The following PKN3 variants were observed in gnomAD, a reference collection of about 807,000 sequenced individuals.
The protein encoded by PKN3 is protein kinase N3, also known as serine/threonine-protein kinase N3.
A neutral mutation model predicts 113.1 loss-of-function variants in PKN3; 91 were observed. That is an observed-to-expected ratio of 0.80 (90% CI 0.68 to 0.96). The LOEUF is 0.96. Among genes scored for constraint, PKN3 ranks in the 40% least tolerant of loss-of-function variants. The probability of loss-of-function intolerance (pLI) is 0.00; values close to 1 mark genes in which losing one functional copy is unlikely to be tolerated. For missense variants in PKN3, 1,052 were observed against 1,202.2 expected (o/e 0.88, Z 1.85); for synonymous variants, 467 against 499.0 (o/e 0.94, Z 0.85).
At position 128,720,290 on chromosome 9, in the gene PKN3, G is replaced by T. The variant is rs764302820; in HGVS notation, c.2457+7G>T. The T allele has an allele frequency of 3.7e-6, 6 of 1,613,704 alleles. No individual in the cohort carries two copies. In the African/African-American group the frequency reaches 8.0e-5, roughly 22 times the overall value. On this transcript the variant is annotated splice_region_variant and intron_variant, in intron 21 of 21. Coordinates refer to ENST00000291906, the MANE Select transcript of PKN3 (RefSeq NM_013355.5). This position sits in a 1 kb window ranked among gnomAD's most constrained non-coding sequence, Gnocchi z 5.5. ...GGTCCAGCCATTCTTCAGGGTGAGC[G>T]GCTGGGGTGGCGGTGGTCCCCTGTG...
At chr9:128,719,193 GCTT>G (rs957157587) in intron 18 of PKN3, among the ~76,000 whole-genome samples, 15 of 149,888 alleles carry the variant, frequency 1.0e-4, no homozygotes, top group African/African-American at 2.7e-4. Context: ...ACTGCGCCCG[GCTT>G]CTTTTTTTTT....
chr9:128,713,382 G>C lies in PKN3; in HGVS notation c.1087G>C (p.Glu363Gln). ...GGACCAGACCTTTGTCATCCCACTG[G>C]AGCGAGTAAGGCTGGCCTTTGTGTG... ...SWDQTFVIPL[E>Q]RARELEIGVH... Residue 363 changes from glutamate (E) to glutamine (Q), a missense_variant, in exon 8 of 22, where the codon GAG becomes CAG. Glu to Gln is a conservative substitution (Grantham distance 29, BLOSUM62 2). Around this residue, in one of 2 missense-constraint regions of PKN3, gnomAD observed 719 missense variants for 759.4 expected, o/e 0.95. Coordinates refer to ENST00000291906, the MANE Select transcript of PKN3 (RefSeq NM_013355.5). 3 of 1,614,006 alleles carry C rather than the reference G, an allele frequency of 1.9e-6. No homozygotes were observed. Among genetic ancestry groups the C allele is most frequent in the Middle Eastern group, 1.7e-4 (1 of 6,058 alleles).
rs1589486338 is a variant in PKN3 at position 128,713,653 on chromosome 9, C to T, written c.1236+11C>T. On this transcript the variant is annotated intron_variant, in intron 9 of 21. Coordinates refer to ENST00000291906, the MANE Select transcript of PKN3 (RefSeq NM_013355.5). ...CTGCTTTTTGCCCAGGTGCTCACCA[C>T]CTCCGCCCTCTGACTTGGTGGGACC... 3.7e-6 allele frequency: 6 copies of T among 1,613,102 alleles called. No individual in the cohort carries two copies. The highest frequency in any genetic ancestry group is 4.2e-6 in the Non-Finnish European group (5 of 1,179,690).
chr9:128,703,081 C>T (rs1334952457), intron 1 of PKN3, 142 bp downstream of exon 1: 5 of 612,076 alleles, frequency 8.2e-6, no homozygotes, highest in Non-Finnish European at 1.3e-5. Flanking sequence ...GCCCCGGCCC[C>T]GCGACGCCCT....
At chr9:128,714,489 T>G in intron 11 of PKN3, 73 bp from the exon 12 acceptor site, 2 of 1,037,688 alleles carry the variant, frequency 1.9e-6, no homozygotes, top group Non-Finnish European at 3.1e-6. Context: ...CATCTCACTT[T>G]GGGTTGGTGT....
Position 128,702,622 on chromosome 9 carries a change from C to T in PKN3, c.-294C>T, listed in dbSNP as rs535389797. ...GGGGGTGAGGCGCGGTCACGCCCAG[C>T]GGGAACCGCAGGCGCCGAAGCCCGG... On this transcript the variant is annotated 5_prime_UTR_variant, in exon 1 of 22. Transcript: ENST00000291906. 520 of 388,332 alleles carry T rather than the reference C, an allele frequency of 1.3e-3. 1 individual carries two copies. The highest frequency in any genetic ancestry group is 2.0e-3 in the Non-Finnish European group (432 of 219,434). The allele number at this position is 388,332 out of a possible 1,614,324, so 24.1% of individuals were successfully genotyped here. A position where few individuals can be genotyped will look rare whatever the true frequency, so the allele number is the denominator to read the frequency against.
intron 18 of PKN3, among the ~76,000 whole-genome samples, chr9:128,718,907 T>G (rs527959437): frequency 6.8e-6 from 1 of 146,264 alleles, no homozygotes; most frequent in African/African-American, 2.5e-5. Context: ...GGTTTGTTTT[T>G]TTTTTTGAGA....
At chr9:128,710,401 G>A (rs1862142684) in intron 6 of PKN3, among the ~76,000 whole-genome samples, 1 of 152,084 alleles carries the variant, frequency 6.6e-6, no homozygotes, top group Non-Finnish European at 1.5e-5. Flanking sequence ...AGGGCCGACT[G>A]ACCCCATTCC....
chr9:128,705,859 T>C lies in PKN3; in HGVS notation c.391T>C (p.Cys131Arg). The C allele has an allele frequency of 6.3e-7, 1 of 1,598,904 alleles. No individual in the cohort carries two copies. Among genetic ancestry groups the C allele is most frequent in the Non-Finnish European group, 8.5e-7 (1 of 1,170,356 alleles). ...GGGGGCTGAGAACATGACCCACACG[T>C]GCGCCAGTGGCACCCCCAAGGTAAG... ...KQGAENMTHT[C>R]ASGTPKERKL... The change falls in exon 3 of 22, where the codon TGC (cysteine) becomes CGC (arginine). Residue 131 changes from cysteine (C) to arginine (R), a missense_variant. Physicochemically the swap from Cys to Arg is radical, Grantham distance 180 (BLOSUM62 -3). Transcript: ENST00000291906.
intron 16 of PKN3, 62 bp from the exon 17 acceptor site, chr9:128,718,263 T>G (rs1862403754): frequency 7.2e-7 from 1 of 1,386,770 alleles, no homozygotes; most frequent in African/African-American, 1.4e-5. Flanking sequence ...TCCTGGTGCC[T>G]CCCTGCCCTG....
rs141789533 is a variant in PKN3 at position 128,707,810 on chromosome 9, C to T, written c.835+405C>T. Among the ~76,000 whole-genome samples the T allele has an allele frequency of 3.0e-3, 455 of 152,110 alleles. 2 individuals are homozygous for T. Among genetic ancestry groups the T allele is most frequent in the African/African-American group, 0.01 (434 of 41,484 alleles). On this transcript the variant is annotated intron_variant, in intron 6 of 21. Coordinates refer to ENST00000291906, the MANE Select transcript of PKN3 (RefSeq NM_013355.5). ...TTTCTAGGCTGGGCGTGGTGGCTCACGCTGGTAATTCCAGCACTTTGGGAG... is the reference window on the plus strand; with the variant it reads ...TTTCTAGGCTGGGCGTGGTGGCTCATGCTGGTAATTCCAGCACTTTGGGAG...
rs1862294111 is a variant in PKN3, at chr9:128,714,875, C to T, written c.1652+10C>T. On this transcript the variant is annotated intron_variant, in intron 13 of 21. Transcript: ENST00000291906. Reference sequence around the variant, plus strand: ...CAGCCTCCCCCACCAGGTACCCCATCCTGCGCACCTTCATGTTTGAGACGT... The same window carrying T: ...CAGCCTCCCCCACCAGGTACCCCATTCTGCGCACCTTCATGTTTGAGACGT... The T allele has an allele frequency of 6.2e-7, 1 of 1,611,962 alleles. No individual in the cohort carries two copies. The highest frequency in any genetic ancestry group is 1.3e-5 in the African/African-American group (1 of 74,908).
chr9:128,707,230 C>G lies in PKN3; in HGVS notation c.660C>G (p.Ala220=). Residue 220 remains alanine, a synonymous_variant, in exon 6 of 22, where the codon GCC becomes GCG. Transcript: ENST00000291906. The part of the protein sequence containing the change: ...QDRKALAEAQ[A]QLQESSQKLD... ...CGTTGTCCCCTCTGCAGGCCCAGGCCCAGCTACAGGAGTCCTCTCAGAAAC... is the reference window on the plus strand; with the variant it reads ...CGTTGTCCCCTCTGCAGGCCCAGGCGCAGCTACAGGAGTCCTCTCAGAAAC... 1 of 1,605,432 alleles carries G rather than the reference C, an allele frequency of 6.2e-7. No individual in the cohort carries two copies.
rs1029478576 is a variant in PKN3, at chr9:128,715,302, G to A, written c.1716+67G>A. 2 of 1,607,060 alleles carry A rather than the reference G, an allele frequency of 1.2e-6. No individual in the cohort carries two copies. Among genetic ancestry groups the A allele is most frequent in the Non-Finnish European group, 1.7e-6 (2 of 1,173,718 alleles). ...CTCATCACATGAGCCGGGAGGACCT[G>A]ATCTGTGGGGGCGGTAAAGGCTCCC... On this transcript the variant is annotated intron_variant, in intron 14 of 21. Coordinates refer to ENST00000291906, the MANE Select transcript of PKN3 (RefSeq NM_013355.5). This position sits in a 1 kb window ranked among gnomAD's most constrained non-coding sequence, Gnocchi z 4.1.
chr9:128,710,303 T>C (rs575349120), intron 6 of PKN3, among the ~76,000 whole-genome samples: 45 of 151,660 alleles, frequency 3.0e-4, no homozygotes, highest in African/African-American at 1.1e-3. Context: ...CAACAAATAA[T>C]CTGAGAGCAT....
intron 9 of PKN3, among the ~76,000 whole-genome samples, 185 bp from the exon 10 acceptor site, chr9:128,713,861 C>G (rs558624921): frequency 6.6e-6 from 1 of 152,206 alleles, no homozygotes; most frequent in Admixed American, 6.5e-5. Flanking sequence ...AAAAGTGCCT[C>G]TCCTCCCTGG....
chr9:128,705,595 G>GC, intron 2 of PKN3, 52 bp downstream of exon 2: 1 of 1,546,038 alleles, frequency 6.5e-7, no homozygotes, highest in Non-Finnish European at 8.7e-7. Context: ...GGCCCATCTG[G>GC]CCCCTGGCCT....
At chr9:128,703,849 C>A (rs1481547363) in intron 1 of PKN3, 2 of 985,464 alleles carry the variant, frequency 2.0e-6, no homozygotes, top group South Asian at 4.7e-5. Flanking sequence ...CCAGACGTAG[C>A]TTGTACACAT....
chr9:128,702,969 C>A, intron 1 of PKN3, 30 bp downstream of exon 1: 1 of 1,372,364 alleles, frequency 7.3e-7, no homozygotes, highest in Non-Finnish European at 9.5e-7. Context: ...CGCGCGGGCC[C>A]GGGGGGTGCG....
Sources: gnomAD v4.1 joint callset for allele counts (sites outside exome capture counted in the v4.1 genomes callset) on GRCh38, gnomAD v4.1.1 for gene constraint, gnomAD v4.1.1 regional missense constraint, Gnocchi (gnomAD v3.1) non-coding constraint, MANE v1.5 for transcripts, NCBI Gene and HGNC (gene_info 2026-07-23, HGNC 2026-07-21) for gene names.